Variants in PRMT3 observed in about 807,000 individuals in gnomAD.
The protein encoded by PRMT3 is protein arginine N-methyltransferase 3.
PRMT3 carries 62 observed loss-of-function variants against 71.9 expected under a neutral mutation model. That is an observed-to-expected ratio of 0.86 (90% CI 0.70 to 1.07). The LOEUF (loss-of-function observed/expected upper bound fraction) is 1.07. PRMT3 is among the 50% of genes least tolerant of loss of function. The pLI, the probability that PRMT3 is intolerant of heterozygous loss-of-function variation, is 0.00. For synonymous variants in PRMT3, 213 were observed against 220.4 expected (o/e 0.97, Z 0.30); for missense variants, 663 against 643.0 (o/e 1.03, Z -0.34).
intron 9 of PRMT3, among the ~76,000 whole-genome samples, chr11:20,419,193 T>G (rs1310193267): frequency 2.6e-5 from 4 of 152,252 alleles, no homozygotes; most frequent in African/African-American, 9.6e-5. Context: ...AAAAAATGTT[T>G]CCAGTCATTT....
chr11:20,483,143 A>G (rs1850982499), intron 13 of PRMT3, among the ~76,000 whole-genome samples: 1 of 152,128 alleles, frequency 6.6e-6, no homozygotes, highest in Non-Finnish European at 1.5e-5. Flanking sequence ...AGGGTTGTAA[A>G]GACAAGTAGC....
chr11:20,389,212 A>G lies in PRMT3; in HGVS notation c.165-532A>G, dbSNP rs1206548859. The stretch of plus-strand genomic sequence containing the variant: ...CAGATTTGCATGTCACATAATAAAG[A>G]GGATTGATCCTCACAGTGTCTGTGA... On this transcript the variant is annotated intron_variant, in intron 2 of 15. Transcript: ENST00000331079. 1.5e-4 allele frequency among the ~76,000 whole-genome samples: 23 copies of G among 152,208 alleles called. 1 individual carries two copies. The highest frequency in any genetic ancestry group is 1.5e-3 in the Admixed American group (23 of 15,286).
At chr11:20,433,297 C>T (rs1590060519) in intron 10 of PRMT3, among the ~76,000 whole-genome samples, 1 of 152,078 alleles carries the variant, frequency 6.6e-6, no homozygotes, top group Non-Finnish European at 1.5e-5. Flanking sequence ...TAAGTGAGAA[C>T]ATGTGGTATT....
intron 13 of PRMT3, among the ~76,000 whole-genome samples, chr11:20,465,177 A>G (rs1212646840): frequency 3.3e-5 from 5 of 152,086 alleles, no homozygotes; most frequent in Non-Finnish European, 5.9e-5. Context: ...CATGAGATAT[A>G]TGTGAAAATA....
chr11:20,497,580 T>C (rs1345575892), intron 15 of PRMT3, among the ~76,000 whole-genome samples: 2 of 152,176 alleles, frequency 1.3e-5, no homozygotes, highest in South Asian at 2.1e-4. Context: ...GATTAACAGA[T>C]GCTGGGAAGT....
rs925770373 is a variant in PRMT3, at chr11:20,464,402, T to G, written c.1261-58T>G. ...TGGGTTGTTTTTGTTTTATTTTTTG[T>G]TTTTTTTTTTTGGACTATTTTTACT... On this transcript the variant is annotated intron_variant, in intron 12 of 15. Transcript: ENST00000331079. The G allele has an allele frequency of 3.1e-5, 24 of 763,726 alleles. No individual in the cohort carries two copies. The highest frequency in any genetic ancestry group is 1.4e-4 in the East Asian group (3 of 22,222). 47.3% of individuals were successfully genotyped at this position (763,726 alleles called of 1,614,324 possible).
chr11:20,405,573 T>G (rs1244161281), intron 8 of PRMT3: 2 of 152,150 alleles, frequency 1.3e-5, no homozygotes, highest in Non-Finnish European at 2.9e-5. Context: ...TCTCTGAAGC[T>G]CACATTCTTC....
intron 9 of PRMT3, among the ~76,000 whole-genome samples, chr11:20,410,621 C>T (rs1301416397): frequency 1.3e-5 from 2 of 151,712 alleles, no homozygotes; most frequent in Non-Finnish European, 2.9e-5. Flanking sequence ...TTTTTTTCTG[C>T]CCACATAATC....
At chr11:20,436,437 C>T (rs1284924876) in intron 10 of PRMT3, among the ~76,000 whole-genome samples, 4 of 152,050 alleles carry the variant, frequency 2.6e-5, no homozygotes, top group African/African-American at 9.7e-5. Context: ...TCATTGATGG[C>T]CTGTATTGTG....
intron 10 of PRMT3, among the ~76,000 whole-genome samples, chr11:20,434,701 G>T (rs1311934100): frequency 6.6e-6 from 1 of 152,106 alleles, no homozygotes; most frequent in Non-Finnish European, 1.5e-5. Flanking sequence ...TGGGTGTGTG[G>T]CTTTATTTCT....
intron 10 of PRMT3, among the ~76,000 whole-genome samples, chr11:20,446,066 C>T (rs1331729077): frequency 5.9e-5 from 9 of 152,128 alleles, no homozygotes; most frequent in Admixed American, 2.0e-4. Flanking sequence ...TGCTCTTACA[C>T]TTCAGCACTC....
At chr11:20,481,136 T>C (rs967733972) in intron 13 of PRMT3, among the ~76,000 whole-genome samples, 1 of 152,160 alleles carries the variant, frequency 6.6e-6, no homozygotes, top group Non-Finnish European at 1.5e-5. Flanking sequence ...TGAATGAGGA[T>C]GTATTTTTTA....
chr11:20,422,458 ACTCT>A (rs1304823948), intron 9 of PRMT3, among the ~76,000 whole-genome samples: 1 of 151,388 alleles, frequency 6.6e-6, no homozygotes, highest in Non-Finnish European at 1.5e-5. Flanking sequence ...GTGAGGAAAA[ACTCT>A]CTCTTGCCAC....
At chr11:20,459,860 C>G (rs977999241) in intron 11 of PRMT3, among the ~76,000 whole-genome samples, 1 of 152,152 alleles carries the variant, frequency 6.6e-6, no homozygotes, top group African/African-American at 2.4e-5. Flanking sequence ...AAATCAGTTA[C>G]TTTGAAGAAT....
At chr11:20,416,049 G>T (rs1158233337) in intron 9 of PRMT3, among the ~76,000 whole-genome samples, 2 of 152,116 alleles carry the variant, frequency 1.3e-5, no homozygotes, top group Non-Finnish European at 2.9e-5. Context: ...TTTCTCAAAT[G>T]TGTCTCTCAT....
chr11:20,433,646 G>C (rs11025562), intron 10 of PRMT3, among the ~76,000 whole-genome samples: 51,058 of 151,654 alleles, frequency 0.34, 10,927 homozygotes, highest in Non-Finnish European at 0.48. Flanking sequence ...TTTAAGATAG[G>C]GTCTCACTCT....
chr11:20,471,675 G>A (rs957307934), intron 13 of PRMT3, among the ~76,000 whole-genome samples: 2 of 152,066 alleles, frequency 1.3e-5, no homozygotes, highest in Non-Finnish European at 2.9e-5. Flanking sequence ...TTTTTGCTTA[G>A]GATCATCTTC....
At chr11:20,462,876 G>GA (rs768193840) in intron 12 of PRMT3, among the ~76,000 whole-genome samples, 202 of 139,388 alleles carry the variant, frequency 1.4e-3, no homozygotes, top group Admixed American at 2.7e-3. Flanking sequence ...TGTCTCAAGA[G>GA]AAAAAAAAAA....
chr11:20,429,453 C>A (rs1418226360), intron 10 of PRMT3, among the ~76,000 whole-genome samples: 1 of 152,174 alleles, frequency 6.6e-6, no homozygotes, highest in African/African-American at 2.4e-5. Context: ...CTTGCTCTAA[C>A]TGAAATAAAG....
Sources: gnomAD v4.1 joint callset for allele counts (sites outside exome capture counted in the v4.1 genomes callset) on GRCh38, gnomAD v4.1.1 for gene constraint, MANE v1.5 for transcripts, NCBI Gene and HGNC (gene_info 2026-07-23, HGNC 2026-07-21) for gene names.